Variants in PTGER3 observed in about 807,000 individuals in gnomAD.
PTGER3 encodes the protein prostaglandin E2 receptor EP3 subtype.
A neutral mutation model predicts 34.7 loss-of-function variants in PTGER3; 22 were observed. The observed-to-expected ratio is 0.63, with a 90% CI of 0.45 to 0.91. The LOEUF is 0.91. Among genes scored for constraint, PTGER3 ranks in the 40% least tolerant of loss-of-function variants. The pLI, the probability that PTGER3 is intolerant of heterozygous loss-of-function variation, is 0.00. For missense variants in PTGER3, 468 were observed against 519.4 expected (o/e 0.90, Z 0.96); for synonymous variants, 241 against 230.1 (o/e 1.05, Z -0.43).
At chr1:70,986,866 C>T (rs1273071289) in intron 2 of PTGER3, among the ~76,000 whole-genome samples, 1 of 152,130 alleles carries the variant, frequency 6.6e-6, no homozygotes, top group Non-Finnish European at 1.5e-5. Context: ...GATAAAATAT[C>T]TTCAACCGCA....
chr1:70,885,332 A>T (rs1301752306), intron 4 of PTGER3, among the ~76,000 whole-genome samples: 3 of 152,130 alleles, frequency 2.0e-5, no homozygotes, highest in Non-Finnish European at 4.4e-5. Context: ...CCATCTGTGC[A>T]TTTATTCATT....
downstream of PTGER3, among the ~76,000 whole-genome samples, chr1:70,949,337 A>G (rs1419256158): frequency 6.6e-6 from 1 of 152,152 alleles, no homozygotes; most frequent in Non-Finnish European, 1.5e-5. Flanking sequence ...TTAATTCCAC[A>G]TCTCTAAGTT....
chr1:70,866,501 T>C (rs1265096276), intron 4 of PTGER3, among the ~76,000 whole-genome samples: 3 of 152,242 alleles, frequency 2.0e-5, no homozygotes, highest in Non-Finnish European at 4.4e-5. Context: ...CAAACTTTCT[T>C]ATGCATATTT....
downstream of PTGER3, among the ~76,000 whole-genome samples, chr1:70,968,582 CATAAT>C (rs1194986782): frequency 1.3e-4 from 20 of 151,890 alleles, no homozygotes; most frequent in Non-Finnish European, 2.4e-4. Flanking sequence ...ACACATATAA[CATAAT>C]ATAACATTAT....
intron 1 of PTGER3, among the ~76,000 whole-genome samples, chr1:71,044,429 G>C (rs1307389923): frequency 7.5e-6 from 1 of 133,176 alleles, no homozygotes; most frequent in Non-Finnish European, 1.6e-5. Context: ...TTTTTTTTGA[G>C]ACAGAGTCTC....
chr1:70,983,670 G>A (rs999713011), intron 2 of PTGER3, among the ~76,000 whole-genome samples: 3 of 152,072 alleles, frequency 2.0e-5, no homozygotes, highest in African/African-American at 4.8e-5. Context: ...TGATAACCAC[G>A]CACACCTGGT....
chr1:71,010,702 T>G, intron 2 of PTGER3: 1 of 984,280 alleles, frequency 1.0e-6, no homozygotes, highest in Non-Finnish European at 1.2e-6. Flanking sequence ...TATAGTCTAT[T>G]TATCACCTTT....
At chr1:70,940,378 A>G (rs579558) in intron 4 of PTGER3, among the ~76,000 whole-genome samples, 135,165 of 152,270 alleles carry the variant, frequency 0.89, 60,002 homozygotes, top group Middle Eastern at 0.95. Context: ...ATCTCCGCCT[A>G]TTACCTAGTT....
intron 2 of PTGER3, chr1:71,011,731 T>G: frequency 1.0e-6 from 1 of 978,790 alleles, no homozygotes; most frequent in Non-Finnish European, 1.2e-6. Context: ...ACATTATACA[T>G]TTTTAACTGT....
chr1:70,871,896 AG>A (rs1461998668), intron 4 of PTGER3, among the ~76,000 whole-genome samples: 2 of 152,168 alleles, frequency 1.3e-5, no homozygotes, highest in African/African-American at 4.8e-5. Context: ...CAAAAGTTAA[AG>A]TATGCTCTCC....
At chr1:71,032,324 C>G (rs1413746309) in intron 1 of PTGER3, among the ~76,000 whole-genome samples, 1 of 152,142 alleles carries the variant, frequency 6.6e-6, no homozygotes, top group African/African-American at 2.4e-5. Flanking sequence ...CTAGAAAACT[C>G]ATACTAGTCT....
At chr1:71,012,179 C>T in intron 2 of PTGER3, 126 bp downstream of exon 2, 4 of 1,584,426 alleles carry the variant, frequency 2.5e-6, no homozygotes, top group South Asian at 1.1e-5. Context: ...ATATTTGTTA[C>T]CAAAAGCTGT....
chr1:71,031,505 T>C (rs1354215323), intron 1 of PTGER3, among the ~76,000 whole-genome samples: 4 of 152,168 alleles, frequency 2.6e-5, no homozygotes, highest in Non-Finnish European at 5.9e-5. Flanking sequence ...TCCTTTGTTA[T>C]AGCATAGGGG....
intron 1 of PTGER3, among the ~76,000 whole-genome samples, chr1:71,021,162 C>T (rs1658384591): frequency 2.0e-5 from 3 of 152,040 alleles, no homozygotes; most frequent in African/African-American, 4.8e-5. Flanking sequence ...GAAAACTCAC[C>T]TCAAATTTGC....
At position 70,961,904 on chromosome 1, in the gene PTGER3, T is replaced by A. The variant is rs577556342; in HGVS notation, c.1078-8115A>T. ...TGCTTTTGAGAACATATAATTCCTATCTCTTAGATCCAAATTCCAGCCACA... is the reference window on the plus strand; with the variant it reads ...TGCTTTTGAGAACATATAATTCCTAACTCTTAGATCCAAATTCCAGCCACA... On this transcript the variant is annotated intron_variant, in intron 2 of 3. Transcript: ENST00000356595. Among the ~76,000 whole-genome samples, 43 of 152,284 alleles carry A rather than the reference T, an allele frequency of 2.8e-4. 1 individual carries two copies. The highest frequency in any genetic ancestry group is 1.0e-3 in the African/African-American group (43 of 41,532).
At chr1:70,924,809 C>T (rs1171519911) in intron 4 of PTGER3, among the ~76,000 whole-genome samples, 1 of 152,076 alleles carries the variant, frequency 6.6e-6, no homozygotes, top group Non-Finnish European at 1.5e-5. Flanking sequence ...CTTGCTTTCA[C>T]TTTAATCCAT....
At chr1:70,981,635 C>T (rs1370949195) in intron 2 of PTGER3, among the ~76,000 whole-genome samples, 1 of 151,900 alleles carries the variant, frequency 6.6e-6, no homozygotes, top group Non-Finnish European at 1.5e-5. Flanking sequence ...TCTCTAACTC[C>T]TGAGCTCAAG....
Position 71,004,263 on chromosome 1 carries a change from G to A in PTGER3, c.1077+8042C>T, listed in dbSNP as rs74087148. Among the ~76,000 whole-genome samples the A allele has an allele frequency of 4.3e-3, 661 of 152,164 alleles. 8 individuals carry two copies. The highest frequency in any genetic ancestry group is 0.015 in the African/African-American group (621 of 41,534). The stretch of plus-strand genomic sequence containing the variant: ...TCATTCTAATTGTATTTTTTTATCA[G>A]ACTTTGATTTTCAGTGTGGTAGGTA... On this transcript the variant is annotated intron_variant, in intron 2 of 3. Transcript: ENST00000306666.
intron 1 of PTGER3, among the ~76,000 whole-genome samples, chr1:71,032,139 T>C (rs1213705462): frequency 1.3e-5 from 2 of 152,198 alleles, no homozygotes; most frequent in Non-Finnish European, 2.9e-5. Context: ...TCATCCTTTA[T>C]GGAAAAATCA....
Sources: gnomAD v4.1 joint callset for allele counts (sites outside exome capture counted in the v4.1 genomes callset) on GRCh38, gnomAD v4.1.1 for gene constraint, MANE v1.5 for transcripts, NCBI Gene and HGNC (gene_info 2026-07-23, HGNC 2026-07-21) for gene names.